CACNA1C: variants seen among roughly 807,000 people sequenced by gnomAD.
CACNA1C encodes calcium voltage-gated channel subunit alpha1 C.
In CACNA1C, 30 loss-of-function variants were observed where a neutral mutation model predicts 229.0. That is an observed-to-expected ratio of 0.13 (90% confidence interval 0.10 to 0.18). The LOEUF (loss-of-function observed/expected upper bound fraction) is 0.18, where lower values mean the gene tolerates loss of function less well. Ranked by LOEUF, CACNA1C falls within the 10% of genes least tolerant of loss-of-function variation. The pLI is 1.00. For synonymous variants in CACNA1C, 1,114 were observed against 1,132.5 expected, an observed-to-expected ratio of 0.98 and a Z score of 0.33; for missense variants, 1,658 against 2,845.0, an observed-to-expected ratio of 0.58 and a Z score of 9.49.
intron 3 of CACNA1C, among the ~76,000 whole-genome samples, chr12:2,305,150 A>G (rs572241159): frequency 6.6e-6 from 1 of 152,096 alleles, no homozygotes; most frequent in African/African-American, 2.4e-5. Context: ...AGATGCACAC[A>G]CTGCAGGGCT....
intron 3 of CACNA1C, among the ~76,000 whole-genome samples, chr12:2,298,054 G>C (rs2094221589): frequency 6.6e-6 from 1 of 152,314 alleles, no homozygotes; most frequent in East Asian, 1.9e-4. Context: ...AGAGGGTCCA[G>C]GCAAGGGCTG....
At chr12:2,117,195 C>T (rs866135408) in intron 2 of CACNA1C, among the ~76,000 whole-genome samples, 3 of 152,112 alleles carry the variant, frequency 2.0e-5, no homozygotes, top group African/African-American at 7.2e-5. Flanking sequence ...TGCTTGAACT[C>T]GGGACGAAGA....
intron 3 of CACNA1C, among the ~76,000 whole-genome samples, chr12:2,261,231 C>CA (rs776152609): frequency 0.038 from 4,613 of 120,564 alleles, 57 homozygotes; most frequent in Middle Eastern, 0.053. Context: ...GACTCCGTCT[C>CA]AAAAAAAAAA....
chr12:2,481,740 A>G (rs1205806411), intron 5 of CACNA1C, among the ~76,000 whole-genome samples: 3 of 152,218 alleles, frequency 2.0e-5, no homozygotes, highest in Non-Finnish European at 2.9e-5. Context: ...ACTCAGTCCT[A>G]TTGGTCCCAT....
chr12:2,052,804 G>C (rs2052625365), upstream of CACNA1C, among the ~76,000 whole-genome samples: 1 of 145,122 alleles, frequency 6.9e-6, no homozygotes, highest in East Asian at 2.0e-4. Context: ...GCTCCAGTCC[G>C]CCGCCGTGCG....
chr12:2,147,057 A>G (rs1012770292), intron 3 of CACNA1C, among the ~76,000 whole-genome samples: 3 of 151,138 alleles, frequency 2.0e-5, no homozygotes, highest in African/African-American at 7.3e-5. Context: ...ACTCTAAGTC[A>G]TATCTCCATA....
At chr12:2,056,186 AGTGT>A (rs1410964999) in intron 1 of CACNA1C, among the ~76,000 whole-genome samples, 6 of 103,480 alleles carry the variant, frequency 5.8e-5, no homozygotes, top group Admixed American at 1.1e-4. Flanking sequence ...TGCATGTGTG[AGTGT>A]GTGTGAGTGT....
In CACNA1C at chr12:2,678,782, G is replaced by T. The variant is rs2096956707; in HGVS notation, c.5092-662G>T. ...CAGAAACCAAAGCCTCAGTCACCAA[G>T]GCCCAGGGATGCTCTGATGTCAAGG... is the stretch of plus-strand genomic sequence containing the variant. On this transcript the variant is annotated intron_variant, in intron 41 of 46. Transcript: ENST00000399655. This position sits in a 1 kb window ranked among gnomAD's most constrained non-coding sequence, Gnocchi z 4.1. Among the ~76,000 whole-genome samples, 1 of 152,212 alleles carries T rather than the reference G, an allele frequency of 6.6e-6. No individual in the cohort carries two copies. Among genetic ancestry groups the T allele is most frequent in the African/African-American group, 2.4e-5 (1 of 41,452 alleles).
chr12:2,070,320 G>A (rs2060738776), intron 1 of CACNA1C, among the ~76,000 whole-genome samples: 1 of 152,086 alleles, frequency 6.6e-6, no homozygotes, highest in African/African-American at 2.4e-5. Flanking sequence ...TCTTACTTGT[G>A]GTAGGTGTGA....
chr12:2,489,356 A>G (rs7309780), intron 6 of CACNA1C, among the ~76,000 whole-genome samples: 1,881 of 152,334 alleles, frequency 0.012, 34 homozygotes, highest in African/African-American at 0.043. Flanking sequence ...GGAATTGTCC[A>G]GGTGAGCCAT....
At chr12:2,547,421 C>G (rs779119580) in intron 9 of CACNA1C, 1 of 779,320 alleles carries the variant, frequency 1.3e-6, no homozygotes, top group Admixed American at 1.7e-5. Context: ...GTTCCTGGTT[C>G]TTGACACTGA....
intron 29 of CACNA1C, among the ~76,000 whole-genome samples, chr12:2,618,175 C>G (rs762364096): frequency 6.6e-6 from 1 of 152,174 alleles, no homozygotes; most frequent in Non-Finnish European, 1.5e-5. Flanking sequence ...CTGACATTCC[C>G]CTGGCAGGTG....
rs1359002202 is a variant in CACNA1C, at chr12:1,996,654, AAC to A, written c.139+25455_139+25456del. Among the ~76,000 whole-genome samples, 273 of 32,516 alleles carry A rather than the reference AAC, an allele frequency of 8.4e-3. 38 individuals are homozygous for A. The highest frequency in any genetic ancestry group is 0.01 in the African/African-American group (46 of 4,564). 21.3% of individuals were successfully genotyped at this position (32,516 alleles called of 152,430 possible). On this transcript the variant is annotated intron_variant, in intron 1 of 46. Transcript: ENST00000682462. ...AAAAAAAAAAAAAAAAAAAAAAAAA[AAC>A]AACAAACTCTTCTAATGTTTTAAAG...
At chr12:2,255,715 G>A (rs888904543) in intron 3 of CACNA1C, among the ~76,000 whole-genome samples, 4 of 151,906 alleles carry the variant, frequency 2.6e-5, no homozygotes, top group Non-Finnish European at 2.9e-5. Flanking sequence ...CCTCCTCATT[G>A]GACAGATAAT....
At chr12:2,088,783 G>A (rs1313621052) in intron 1 of CACNA1C, among the ~76,000 whole-genome samples, 6 of 152,066 alleles carry the variant, frequency 3.9e-5, no homozygotes, top group African/African-American at 4.8e-5. Flanking sequence ...CTCAGCTTAC[G>A]TTAAGAGATG....
At chr12:2,593,445 C>G in intron 19 of CACNA1C, 100 bp downstream of exon 19, 1 of 1,221,736 alleles carries the variant, frequency 8.2e-7, no homozygotes, top group Non-Finnish European at 1.1e-6. Context: ...GACTGAGACT[C>G]TCCCAGCTCC....
At position 2,669,054 on chromosome 12, in the gene CACNA1C, A is replaced by G. The variant is rs974274999; in HGVS notation, c.4726+19A>G. On this transcript the variant is annotated intron_variant, in intron 38 of 46. Coordinates refer to ENST00000399655, the MANE Select transcript of CACNA1C (RefSeq NM_000719.7). Reference sequence around the variant, plus strand: ...ACAGAAGGTAAGGTCGCCCGTGGGCACTGGGAGAGACACTCAGAAGGTCTA... The same window carrying G: ...ACAGAAGGTAAGGTCGCCCGTGGGCGCTGGGAGAGACACTCAGAAGGTCTA... The G allele has an allele frequency of 2.7e-6, 4 of 1,491,918 alleles. No individual in the cohort carries two copies. In the Admixed American group the frequency reaches 5.0e-5, roughly 19 times the overall value. 92.4% of individuals were successfully genotyped at this position (1,491,918 alleles called of 1,614,324 possible).
At chr12:2,381,136 C>T (rs2098234461) in intron 3 of CACNA1C, among the ~76,000 whole-genome samples, 1 of 152,202 alleles carries the variant, frequency 6.6e-6, no homozygotes. Flanking sequence ...GTCCCTCACT[C>T]CTCTGTCCTC....
At chr12:2,350,663 T>C (rs527650455) in intron 3 of CACNA1C, among the ~76,000 whole-genome samples, 4 of 152,228 alleles carry the variant, frequency 2.6e-5, no homozygotes, top group Non-Finnish European at 5.9e-5. Flanking sequence ...CCCCCTCATA[T>C]GGGCAGCAGA....
Sources: gnomAD v4.1 joint callset for allele counts (sites outside exome capture counted in the v4.1 genomes callset) on GRCh38, gnomAD v4.1.1 for gene constraint, Gnocchi (gnomAD v3.1) non-coding constraint, MANE v1.5 for transcripts, NCBI Gene and HGNC (gene_info 2026-07-23, HGNC 2026-07-21) for gene names.